PKIG: variants seen among roughly 807,000 people sequenced by gnomAD.
PKIG encodes the protein cAMP-dependent protein kinase inhibitor gamma, also known as protein kinase (cAMP-dependent, catalytic) inhibitor gamma.
PKIG carries 1 observed loss-of-function variant against 6.8 expected under a neutral mutation model. The observed-to-expected ratio is 0.15, with a 90% CI of 0.05 to 0.69. The LOEUF is 0.69. Ranked by LOEUF, PKIG falls within the 30% of genes least tolerant of loss-of-function variation. The probability of loss-of-function intolerance (pLI) is 0.82; values close to 1 mark genes in which losing one functional copy is unlikely to be tolerated. For synonymous variants in PKIG, 39 were observed against 43.0 expected, an observed-to-expected ratio of 0.91 and a Z score of 0.36; for missense variants, 77 against 104.0, an observed-to-expected ratio of 0.74 and a Z score of 1.13.
intron 3 of PKIG, among the ~76,000 whole-genome samples, chr20:44,615,814 GCCC>G (rs1442061114): frequency 1.4e-4 from 21 of 152,246 alleles, no homozygotes; most frequent in African/African-American, 5.1e-4. Flanking sequence ...CTTGGACCCA[GCCC>G]TCTCATGTTA....
At chr20:44,599,498 C>T (rs1199385301) in intron 2 of PKIG, among the ~76,000 whole-genome samples, 3 of 152,038 alleles carry the variant, frequency 2.0e-5, no homozygotes, top group South Asian at 2.1e-4. Context: ...CTGAGGCGGG[C>T]GGATCACAAG....
intron 1 of PKIG, 117 bp from the exon 2 acceptor site, chr20:44,589,680 G>A (rs982113615): frequency 2.0e-5 from 3 of 152,162 alleles, no homozygotes; most frequent in African/African-American, 7.2e-5. Context: ...CAAAGGATAT[G>A]TATGCACATT....
intron 1 of PKIG, among the ~76,000 whole-genome samples, chr20:44,556,646 A>G (rs1020470831): frequency 2.0e-5 from 3 of 152,182 alleles, no homozygotes; most frequent in African/African-American, 7.2e-5. Flanking sequence ...TACAGGCATG[A>G]GCCACCGCGC....
chr20:44,539,472 C>A (rs541748896), intron 1 of PKIG, among the ~76,000 whole-genome samples: 12 of 150,230 alleles, frequency 8.0e-5, no homozygotes, highest in East Asian at 4.0e-4. Flanking sequence ...CAGGCTGGAG[C>A]GCAGTGGCGT....
intron 1 of PKIG, among the ~76,000 whole-genome samples, chr20:44,548,715 A>C (rs750980827): frequency 2.0e-5 from 3 of 152,144 alleles, no homozygotes; most frequent in Non-Finnish European, 2.9e-5. Flanking sequence ...TGTCATCCAC[A>C]CATCACTTAG....
At chr20:44,575,481 T>C (rs961216247) in intron 1 of PKIG, among the ~76,000 whole-genome samples, 5 of 152,348 alleles carry the variant, frequency 3.3e-5, no homozygotes, top group Admixed American at 2.0e-4. Flanking sequence ...CATCCTGTCA[T>C]GCTTTATTTG....
intron 2 of PKIG, among the ~76,000 whole-genome samples, chr20:44,602,188 G>T (rs907448014): frequency 1.7e-4 from 26 of 152,238 alleles, no homozygotes; most frequent in Admixed American, 1.4e-3. Flanking sequence ...GTAGGGCTCA[G>T]GCTGAGCTAG....
chr20:44,538,929 T>C (rs536555661), intron 1 of PKIG, among the ~76,000 whole-genome samples: 6 of 152,182 alleles, frequency 3.9e-5, no homozygotes, highest in East Asian at 1.9e-4. Flanking sequence ...AGCTTTTTTT[T>C]TTTCTTTCTT....
intron 1 of PKIG, among the ~76,000 whole-genome samples, chr20:44,557,499 T>A (rs1367731986): frequency 9.5e-6 from 1 of 105,024 alleles, no homozygotes; most frequent in Non-Finnish European, 1.8e-5. Flanking sequence ...GCACTCCAGC[T>A]GGGTGACAGG....
At chr20:44,546,160 A>G (rs1168043331) in intron 1 of PKIG, among the ~76,000 whole-genome samples, 1 of 151,972 alleles carries the variant, frequency 6.6e-6, no homozygotes, top group African/African-American at 2.4e-5. Flanking sequence ...GAGGTGGGAG[A>G]ATCACCTGAG....
chr20:44,596,970 T>C (rs1043640352), intron 2 of PKIG, among the ~76,000 whole-genome samples: 1 of 152,192 alleles, frequency 6.6e-6, no homozygotes, highest in Non-Finnish European at 1.5e-5. Flanking sequence ...CCCAGCCCCA[T>C]GGCCTCTTAT....
Position 44,618,399 on chromosome 20 carries a change from C to T in PKIG, c.*35C>T, listed in dbSNP as rs1379002348. On this transcript the variant is annotated 3_prime_UTR_variant, in exon 4 of 4. Transcript: ENST00000372886. ...TGTCCAAGAAGGCTGGACGAGAGAC[C>T]TTCTGTCCCCTCCCAGAGGGGGAAC... 2 of 1,392,138 alleles carry T rather than the reference C, an allele frequency of 1.4e-6. No individual in the cohort carries two copies. The highest frequency in any genetic ancestry group is 2.0e-6 in the Non-Finnish European group (2 of 977,388). The allele number at this position is 1,392,138 out of a possible 1,614,324, so 86.2% of individuals were successfully genotyped here. A position where few individuals can be genotyped will look rare whatever the true frequency, so the allele number is the denominator to read the frequency against.
chr20:44,586,522 G>A (rs1242377789), intron 1 of PKIG, among the ~76,000 whole-genome samples: 1 of 152,208 alleles, frequency 6.6e-6, no homozygotes, highest in Non-Finnish European at 1.5e-5. Flanking sequence ...AAAAGCAGAA[G>A]TGGGTGCTAT....
Position 44,618,638 on chromosome 20 carries a change from G to T in PKIG, c.*274G>T, listed in dbSNP as rs747571582. 1.1e-5 allele frequency: 4 copies of T among 378,072 alleles called. No individual in the cohort carries two copies. The highest frequency in any genetic ancestry group is 1.1e-4 in the East Asian group (2 of 17,526). 23.4% of individuals were successfully genotyped at this position (378,072 alleles called of 1,614,324 possible). A position where few individuals can be genotyped will look rare whatever the true frequency, so the allele number is the denominator to read the frequency against. ...AGATGTTATTTATTGAGCTGGCGCC[G>T]GGACTTGGGCGGGGCCTGCCCTACA... On this transcript the variant is annotated 3_prime_UTR_variant, in exon 4 of 4. Coordinates refer to ENST00000372886, the MANE Select transcript of PKIG (RefSeq NM_001281445.2).
chr20:44,596,515 A>G (rs2065076487), intron 2 of PKIG, among the ~76,000 whole-genome samples: 1 of 152,190 alleles, frequency 6.6e-6, no homozygotes, highest in Non-Finnish European at 1.5e-5. Flanking sequence ...TACGGATGAC[A>G]TCTACACTCT....
At chr20:44,597,225 C>T (rs529270704) in intron 2 of PKIG, among the ~76,000 whole-genome samples, 3 of 150,818 alleles carry the variant, frequency 2.0e-5, no homozygotes, top group East Asian at 1.9e-4. Context: ...TCCCCCCACC[C>T]GGCATTATTA....
upstream of PKIG, among the ~76,000 whole-genome samples, chr20:44,580,637 C>T (rs1382865252): frequency 1.3e-5 from 2 of 151,798 alleles, no homozygotes; most frequent in African/African-American, 2.4e-5. Flanking sequence ...TGTGAGCCAC[C>T]GCGCCCGGCC....
chr20:44,556,435 T>A (rs984674350), intron 1 of PKIG, among the ~76,000 whole-genome samples: 3 of 152,206 alleles, frequency 2.0e-5, no homozygotes, highest in African/African-American at 7.2e-5. Flanking sequence ...CGATCTCGGC[T>A]CACTGCAACC....
chr20:44,615,467 CA>C (rs1568837904), intron 3 of PKIG, among the ~76,000 whole-genome samples: 4 of 152,232 alleles, frequency 2.6e-5, no homozygotes, highest in African/African-American at 9.6e-5. Flanking sequence ...GACCGAATGA[CA>C]AAAGGAAACA....
Sources: gnomAD v4.1 joint callset for allele counts (sites outside exome capture counted in the v4.1 genomes callset) on GRCh38, gnomAD v4.1.1 for gene constraint, MANE v1.5 for transcripts, NCBI Gene and HGNC (gene_info 2026-07-23, HGNC 2026-07-21) for gene names.